PDZD4: variants seen among roughly 807,000 people sequenced by gnomAD.
The protein encoded by PDZD4 is PDZ domain-containing protein 4.
In PDZD4, 9 loss-of-function variants were observed where a neutral mutation model predicts 38.5. The observed-to-expected ratio is 0.23, with a 90% confidence interval of 0.14 to 0.41. PDZD4 has a LOEUF of 0.41. PDZD4 is among the 10% of genes least tolerant of loss of function. The probability of loss-of-function intolerance (pLI) is 1.00; values close to 1 mark genes in which losing one functional copy is unlikely to be tolerated. For missense variants in PDZD4, 612 were observed against 722.0 expected (o/e 0.85, Z 1.75); for synonymous variants, 349 against 315.7 (o/e 1.11, Z -1.12).
At chrX:153,810,196 G>A (rs2064295898) in intron 1 of PDZD4, among the ~76,000 whole-genome samples, 2 of 112,825 alleles carry the variant, frequency 1.8e-5, no homozygotes, top group South Asian at 7.2e-4. Context: ...GGGCTCAGCG[G>A]CTTATGGAAG....
At chrX:153,816,434 C>T (rs1557079978) in intron 1 of PDZD4, among the ~76,000 whole-genome samples, 1 of 108,504 alleles carries the variant, frequency 9.2e-6, no homozygotes, top group African/African-American at 3.4e-5. Context: ...ATTCTGTGGG[C>T]CGAGGACATG....
intron 3 of PDZD4, 58 bp downstream of exon 3, chrX:153,807,221 A>G: frequency 8.8e-7 from 1 of 1,130,719 alleles, no homozygotes; most frequent in East Asian, 3.1e-5. Context: ...GAAGGCACAC[A>G]GGCGTCGGGG....
chrX:153,813,599 G>A (rs1048513037), intron 1 of PDZD4, among the ~76,000 whole-genome samples: 4 of 112,583 alleles, frequency 3.6e-5, no homozygotes, highest in Admixed American at 1.9e-4. Context: ...TGGAAAACAC[G>A]GCAGAGAGGC....
chrX:153,815,136 T>C (rs182978898), intron 1 of PDZD4, among the ~76,000 whole-genome samples: 5 of 112,993 alleles, frequency 4.4e-5, no homozygotes, highest in African/African-American at 1.6e-4. Flanking sequence ...CAGATCTACT[T>C]CCTTCCTGAT....
At chrX:153,824,545 G>A (rs1422197946) in intron 1 of PDZD4, among the ~76,000 whole-genome samples, 4 of 111,335 alleles carry the variant, frequency 3.6e-5, no homozygotes, top group African/African-American at 1.3e-4. Context: ...AAGCAGGAGG[G>A]AGCCAGAGAA....
In PDZD4 at chrX:153,802,873, CAG is replaced by C. The variant is rs2092181398; in HGVS notation, c.*478_*479del. On this transcript the variant is annotated 3_prime_UTR_variant, in exon 8 of 8. Coordinates refer to ENST00000393758, the MANE Select transcript of PDZD4 (RefSeq NM_001303512.2). ...AGAAAGGGAGAAAAACCACAAAAAT[CAG>C]GGGTGCCTTTGTCTACAAATAACTG... The C allele has an allele frequency of 8.7e-6, 1 of 115,505 alleles. No individual in the cohort carries two copies. The highest frequency in any genetic ancestry group is 3.5e-4 in the South Asian group (1 of 2,836). 9.5% of individuals were successfully genotyped at this position (115,505 alleles called of 1,213,427 possible).
Position 153,830,542 on chromosome X carries a change from G to A in PDZD4, c.-244C>T. 1 of 235,605 alleles carries A rather than the reference G, an allele frequency of 4.2e-6. No homozygotes were observed. The allele number at this position is 235,605 out of a possible 1,213,427, so 19.4% of individuals were successfully genotyped here. On this transcript the variant is annotated 5_prime_UTR_variant, in exon 1 of 8. Coordinates refer to ENST00000393758, the MANE Select transcript of PDZD4 (RefSeq NM_001303512.2). ...CCTCGCACCCGGCCAGGAGAAAAAG[G>A]GCAGCGGGGGATGGGCGGGCGCGCC...
At chrX:153,830,186 C>G in intron 1 of PDZD4, 53 bp downstream of exon 1, 1 of 1,129,715 alleles carries the variant, frequency 8.9e-7, no homozygotes, top group Non-Finnish European at 1.2e-6. Context: ...TCCCCACTGG[C>G]CCGCTCCTCC....
intron 1 of PDZD4, among the ~76,000 whole-genome samples, chrX:153,817,578 C>A (rs190762522): frequency 8.9e-6 from 1 of 112,080 alleles, no homozygotes; most frequent in Non-Finnish European, 1.9e-5. Context: ...GATATGAGGT[C>A]CCTTTTGGGG....
rs782664074 is a variant in PDZD4 at position 153,805,538 on chromosome X, G to A, written c.636C>T (p.Asn212=). Residue 212 remains asparagine, a synonymous_variant, in exon 6 of 8, where the codon AAC becomes AAT. Transcript: ENST00000393758. ...VAILSQEENT[N]ISLLVARPES... is the part of the protein sequence containing the mutation. ...CAGGTCGGGCCACCAGCAGGGAGAT[G>A]TTGGTGTTCTCTTCCTGGCTCAGGA... is the stretch of plus-strand genomic sequence containing the variant. 2 of 1,210,970 alleles carry A rather than the reference G, an allele frequency of 1.7e-6. No homozygotes were observed. The highest frequency in any genetic ancestry group is 2.2e-6 in the Non-Finnish European group (2 of 895,294).
At position 153,804,590 on chromosome X, in the gene PDZD4, C is replaced by T. The variant is rs2092202416; in HGVS notation, c.1091G>A (p.Arg364His). ...GTGGCACTTGATCTCCAGGAGCTCACGGTAGCGCTCATACTCCTCATCCGT... is the reference window on the plus strand; with the variant it reads ...GTGGCACTTGATCTCCAGGAGCTCATGGTAGCGCTCATACTCCTCATCCGT... ...GLTDEEYERYRELLEIKCHLE... is the reference protein window; with the variant it reads ...GLTDEEYERYHELLEIKCHLE... The change falls in exon 8 of 8, where the codon CGT (arginine) becomes CAT (histidine). Residue 364 changes from arginine (R) to histidine (H), a missense_variant. Transcript: ENST00000393758. The T allele has an allele frequency of 1.7e-6, 2 of 1,209,560 alleles. No homozygotes were observed. The highest frequency in any genetic ancestry group is 1.7e-5 in the African/African-American group (1 of 57,912).
chrX:153,822,669 T>C (rs868958628), intron 1 of PDZD4, among the ~76,000 whole-genome samples: 2 of 65,513 alleles, frequency 3.1e-5, no homozygotes, highest in African/African-American at 5.7e-5. Flanking sequence ...CTCTCTCTCT[T>C]TCTCTCTGTC....
intron 1 of PDZD4, among the ~76,000 whole-genome samples, chrX:153,821,603 C>T (rs2064424595): frequency 9.0e-6 from 1 of 111,546 alleles, no homozygotes; most frequent in African/African-American, 3.3e-5. Flanking sequence ...TCCACATCAC[C>T]TGGGAGCTTG....
intron 1 of PDZD4, 144 bp from the exon 2 acceptor site, chrX:153,808,739 C>T (rs900665910): frequency 5.9e-5 from 43 of 728,114 alleles, no homozygotes; most frequent in Non-Finnish European, 7.6e-5. Flanking sequence ...GTCTGCAGCC[C>T]TGGCTACCTT....
chrX:153,823,598 C>T (rs1557081847), intron 1 of PDZD4, among the ~76,000 whole-genome samples: 1 of 111,437 alleles, frequency 9.0e-6, no homozygotes, highest in African/African-American at 3.3e-5. Context: ...ATGATCCACC[C>T]GCCTCGGCCT....
intron 4 of PDZD4, 45 bp downstream of exon 4, chrX:153,806,697 G>A: frequency 8.9e-7 from 1 of 1,129,070 alleles, no homozygotes; most frequent in Non-Finnish European, 1.2e-6. Flanking sequence ...CCACAGGCAG[G>A]CCATGTGGAT....
intron 1 of PDZD4, among the ~76,000 whole-genome samples, chrX:153,812,927 C>A (rs925158800): frequency 4.6e-5 from 5 of 108,974 alleles, no homozygotes; most frequent in Non-Finnish European, 9.5e-5. Context: ...GGCACAAACA[C>A]TCAACATGGC....
chrX:153,804,920 A>C lies in PDZD4; in HGVS notation c.781-20T>G, dbSNP rs1557076378. On this transcript the variant is annotated intron_variant, in intron 7 of 7. Coordinates refer to ENST00000393758, the MANE Select transcript of PDZD4 (RefSeq NM_001303512.2). Reference sequence around the variant, plus strand: ...TCCGGGCTAGAGCAGAAAGGTAAGTACCGCTCAGTTAGGTCCCACGGACAG... The same window carrying C: ...TCCGGGCTAGAGCAGAAAGGTAAGTCCCGCTCAGTTAGGTCCCACGGACAG... 1.7e-6 allele frequency: 2 copies of C among 1,191,481 alleles called. No homozygotes were observed. The highest frequency in any genetic ancestry group is 3.0e-5 in the East Asian group (1 of 33,608).
rs1557076127 is a variant in PDZD4, at chrX:153,804,506, G to A, written c.1175C>T (p.Ala392Val). Residue 392 changes from alanine to valine, a missense_variant, in exon 8 of 8, where the codon GCC becomes GTC. Coordinates refer to ENST00000393758, the MANE Select transcript of PDZD4 (RefSeq NM_001303512.2). Reference sequence around the variant, plus strand: ...GCTCTCGTTGCGGTTGACGTCCAGGGCGCTGTTGCCTCCGGAGGCCCGGGG... The same window carrying A: ...GCTCTCGTTGCGGTTGACGTCCAGGACGCTGTTGCCTCCGGAGGCCCGGGG... ...LFPRASGGNS[A>V]LDVNRNESLG... 1.7e-6 allele frequency: 2 copies of A among 1,210,206 alleles called. No individual in the cohort carries two copies. The highest frequency in any genetic ancestry group is 2.2e-6 in the Non-Finnish European group (2 of 895,441).
Sources: gnomAD v4.1 joint callset for allele counts (sites outside exome capture counted in the v4.1 genomes callset) on GRCh38, gnomAD v4.1.1 for gene constraint, MANE v1.5 for transcripts, NCBI Gene and HGNC (gene_info 2026-07-23, HGNC 2026-07-21) for gene names.